GPSM2: variants seen among roughly 807,000 people sequenced by gnomAD.
The protein encoded by GPSM2 is G protein-signaling modulator 2.
Under a neutral mutation model 78.4 loss-of-function variants are expected in GPSM2, and 58 were observed. The observed-to-expected ratio is 0.74, with a 90% CI of 0.60 to 0.92. The LOEUF (loss-of-function observed/expected upper bound fraction) is 0.92, where lower values mean the gene tolerates loss of function less well. GPSM2 is among the 40% of genes least tolerant of loss of function. GPSM2 has a pLI of 0.00. For synonymous variants in GPSM2, 224 were observed against 280.2 expected, an observed-to-expected ratio of 0.80 and a Z score of 2.00; for missense variants, 700 against 815.5, an observed-to-expected ratio of 0.86 and a Z score of 1.73.
chr1:108,921,290 C>T (rs972238446), intron 12 of GPSM2, among the ~76,000 whole-genome samples: 3 of 151,956 alleles, frequency 2.0e-5, no homozygotes, highest in African/African-American at 4.8e-5. Flanking sequence ...TGTGGTGGCA[C>T]GCACCTGTAG....
intron 3 of GPSM2, 100 bp from the exon 4 acceptor site, chr1:108,897,392 T>G (rs757830640): frequency 1.2e-4 from 137 of 1,167,982 alleles, no homozygotes; most frequent in Middle Eastern, 8.4e-4. Flanking sequence ...CATGTCAGTT[T>G]GTCCTCTTGG....
In GPSM2 at chr1:108,931,870, T is replaced by A. The variant is rs1652031580; in HGVS notation, c.*1930T>A. The A allele has an allele frequency of 6.0e-6, 1 of 165,852 alleles. No individual in the cohort carries two copies. The highest frequency in any genetic ancestry group is 2.4e-5 in the African/African-American group (1 of 41,600). 10.3% of individuals were successfully genotyped at this position (165,852 alleles called of 1,614,324 possible). A position where few individuals can be genotyped will look rare whatever the true frequency, so the allele number is the denominator to read the frequency against. Reference sequence around the variant, plus strand: ...TTGTACACAAAGTACAAACTTTGTGTATTATTTTGTGTATACAATAGTTCT... The same window carrying A: ...TTGTACACAAAGTACAAACTTTGTGAATTATTTTGTGTATACAATAGTTCT... On this transcript the variant is annotated 3_prime_UTR_variant, in exon 15 of 15. Transcript: ENST00000264126.
chr1:108,900,575 A>G (rs185772346), intron 7 of GPSM2, among the ~76,000 whole-genome samples: 1 of 152,302 alleles, frequency 6.6e-6, no homozygotes, highest in Non-Finnish European at 1.5e-5. Flanking sequence ...AAGGCTAACA[A>G]TGTAGATCCA....
rs1299139979 is a variant in GPSM2 at position 108,904,241 on chromosome 1, T to A, written c.1179T>A (p.Asp393Glu). ...NSIMSENTEI[D>E]SSLNGVRPKL... Reference sequence around the variant, plus strand: ...TAATGTCTGAAAATACTGAAATTGATAGCAGTTTGAATGGTAAGTAATAGG... The same window carrying A: ...TAATGTCTGAAAATACTGAAATTGAAAGCAGTTTGAATGGTAAGTAATAGG... The change falls in exon 10 of 15, where the codon GAT becomes GAA. Residue 393 changes from aspartate (D) to glutamate (E), a missense_variant. Asp to Glu is a conservative substitution (Grantham distance 45). Transcript: ENST00000264126. 1 of 1,595,514 alleles carries A rather than the reference T, an allele frequency of 6.3e-7. No individual in the cohort carries two copies. Among genetic ancestry groups the A allele is most frequent in the African/African-American group, 1.3e-5 (1 of 74,644 alleles).
At chr1:108,895,800 C>A (rs1266272898) in intron 2 of GPSM2, among the ~76,000 whole-genome samples, 2 of 152,134 alleles carry the variant, frequency 1.3e-5, no homozygotes, top group Non-Finnish European at 2.9e-5. Context: ...CCAAAACAAT[C>A]CCCTGCCACC....
intron 7 of GPSM2, among the ~76,000 whole-genome samples, 153 bp from the exon 8 acceptor site, chr1:108,901,632 CTAAAA>C (rs1182101235): frequency 2.6e-5 from 4 of 152,038 alleles, no homozygotes; most frequent in Non-Finnish European, 5.9e-5. Context: ...TTCATTTTGT[CTAAAA>C]GTAATGGAGA....
intron 12 of GPSM2, among the ~76,000 whole-genome samples, chr1:108,921,960 AT>A (rs1650744635): frequency 6.6e-6 from 1 of 152,136 alleles, no homozygotes. Context: ...CCTCACAAAT[AT>A]TTTTTTGAAG....
intron 10 of GPSM2, among the ~76,000 whole-genome samples, chr1:108,906,473 A>G (rs1197102937): frequency 6.6e-6 from 1 of 151,728 alleles, no homozygotes; most frequent in Non-Finnish European, 1.5e-5. Flanking sequence ...GACAGCTCCC[A>G]GCAGAGTCCT....
At chr1:108,901,759 T>C in intron 7 of GPSM2, 31 bp from the exon 8 acceptor site, 2 of 1,555,566 alleles carry the variant, frequency 1.3e-6, no homozygotes, top group Non-Finnish European at 1.8e-6. Context: ...CTGAGAATGA[T>C]CATTATATAA....
At position 108,919,302 on chromosome 1, in the gene GPSM2, C is replaced by A. The variant is rs528339015; in HGVS notation, c.1440+513C>A. On this transcript the variant is annotated intron_variant, in intron 12 of 14. Coordinates refer to ENST00000264126, the MANE Select transcript of GPSM2 (RefSeq NM_013296.5). ...GGATTACAGGTGTGAGGCACTGCGCCTGGCCAATAATTATTTATTTGAGTC... is the reference window on the plus strand; with the variant it reads ...GGATTACAGGTGTGAGGCACTGCGCATGGCCAATAATTATTTATTTGAGTC... Among the ~76,000 whole-genome samples, 5 of 152,260 alleles carry A rather than the reference C, an allele frequency of 3.3e-5. No individual in the cohort carries two copies. In the South Asian group the frequency reaches 8.3e-4, roughly 25 times the overall value.
At chr1:108,928,575 T>C (rs1389197793) in intron 14 of GPSM2, among the ~76,000 whole-genome samples, 2 of 152,222 alleles carry the variant, frequency 1.3e-5, no homozygotes, top group Non-Finnish European at 2.9e-5. Flanking sequence ...TATTCAAATA[T>C]CAGCTATCAC....
chr1:108,896,830 T>C (rs966939519), intron 2 of GPSM2, 34 bp from the exon 3 acceptor site: 1 of 1,440,024 alleles, frequency 6.9e-7, no homozygotes, highest in Admixed American at 1.7e-5. Flanking sequence ...GCTGTAATGT[T>C]ATGTTTAAAT....
Position 108,885,459 on chromosome 1 carries a change from T to C in GPSM2, c.-64T>C. 1 of 909,716 alleles carries C rather than the reference T, an allele frequency of 1.1e-6. No individual in the cohort carries two copies. The highest frequency in any genetic ancestry group is 1.3e-5 in the South Asian group (1 of 74,124). The allele number at this position is 909,716 out of a possible 1,614,324, so 56.4% of individuals were successfully genotyped here. The stretch of plus-strand genomic sequence containing the variant: ...CAATGTTCTACAAACAATTCTACAT[T>C]GTAAAGGACTGGATTGGCACAAAAT... On this transcript the variant is annotated 5_prime_UTR_variant, in exon 2 of 15. Coordinates refer to ENST00000264126, the MANE Select transcript of GPSM2 (RefSeq NM_013296.5).
At position 108,901,807 on chromosome 1, in the gene GPSM2, C is replaced by T. The variant is rs867670266; in HGVS notation, c.815C>T (p.Ala272Val). 6.2e-7 allele frequency: 1 copy of T among 1,611,100 alleles called. No individual in the cohort carries two copies. Among genetic ancestry groups the T allele is most frequent in the East Asian group, 2.2e-5 (1 of 44,842 alleles). ...SEYYKKTLLLARQLKDRAVEA... is the reference protein window; with the variant it reads ...SEYYKKTLLLVRQLKDRAVEA... ...TCTTGTAGGAAGACACTACTGTTGG[C>T]CCGACAGCTTAAAGACCGAGCTGTA... The change falls in exon 8 of 15, where the codon GCC becomes GTC. Residue 272 changes from alanine to valine, a missense_variant. Physicochemically the swap from Ala to Val is moderately conservative, Grantham distance 64. Coordinates refer to ENST00000264126, the MANE Select transcript of GPSM2 (RefSeq NM_013296.5).
At chr1:108,912,119 A>G (rs1468975186) in intron 10 of GPSM2, among the ~76,000 whole-genome samples, 3 of 152,120 alleles carry the variant, frequency 2.0e-5, no homozygotes, top group East Asian at 3.8e-4. Flanking sequence ...ACAAAATTTT[A>G]TAAAAGATTT....
intron 14 of GPSM2, 44 bp from the exon 15 acceptor site, chr1:108,929,657 T>G: frequency 6.3e-7 from 1 of 1,598,386 alleles, no homozygotes. Flanking sequence ...CTTGGTGCTT[T>G]CTTTCCCACA....
At chr1:108,912,434 G>T (rs1168947461) in intron 10 of GPSM2, among the ~76,000 whole-genome samples, 1 of 152,088 alleles carries the variant, frequency 6.6e-6, no homozygotes, top group Middle Eastern at 3.2e-3. Context: ...GTGAAAGACA[G>T]ATTTAGAGCA....
At chr1:108,889,407 A>G (rs1647802955) in intron 2 of GPSM2, among the ~76,000 whole-genome samples, 4 of 152,182 alleles carry the variant, frequency 2.6e-5, no homozygotes, top group Admixed American at 2.6e-4. Flanking sequence ...AGATAAAAAC[A>G]CTTTTAAATA....
intron 2 of GPSM2, among the ~76,000 whole-genome samples, chr1:108,895,527 C>T (rs192609136): frequency 1.5e-3 from 224 of 152,268 alleles, no homozygotes; most frequent in Middle Eastern, 3.4e-3. Context: ...ACCTGAGCTC[C>T]GCCTCCTGTC....
Sources: gnomAD v4.1 joint callset for allele counts (sites outside exome capture counted in the v4.1 genomes callset) on GRCh38, gnomAD v4.1.1 for gene constraint, MANE v1.5 for transcripts, NCBI Gene and HGNC (gene_info 2026-07-23, HGNC 2026-07-21) for gene names.